Variants in RCN2 observed in about 807,000 individuals in gnomAD.
RCN2 encodes the protein reticulocalbin-2.
In RCN2, 23 loss-of-function variants were observed where a neutral mutation model predicts 37.5. The ratio of observed to expected loss-of-function variants is 0.61; its 90% CI spans 0.44 to 0.87. RCN2 has a LOEUF of 0.87. Ranked by LOEUF, RCN2 falls within the 40% of genes least tolerant of loss-of-function variation. The pLI is 0.00. For synonymous variants in RCN2, 140 were observed against 144.6 expected (o/e 0.97, Z 0.23); for missense variants, 381 against 390.4 (o/e 0.98, Z 0.20).
At position 76,949,906 on chromosome 15, in the gene RCN2, ATGTT is replaced by A. The variant is rs35334964; in HGVS notation, c.*691_*694del. On this transcript the variant is annotated 3_prime_UTR_variant, in exon 7 of 7. Coordinates refer to ENST00000394885, the MANE Select transcript of RCN2 (RefSeq NM_002902.3). The stretch of plus-strand genomic sequence containing the variant: ...ATTAAAAATGAAATGTCCTTTGTAT[ATGTT>A]TGTTTGCTTTTCTTTAACTTTCAGA... 0.096 allele frequency: 14,697 copies of A among 152,462 alleles called. 896 individuals are homozygous for A. The highest frequency in any genetic ancestry group is 0.17 in the African/African-American group (7,111 of 41,446). 9.4% of individuals were successfully genotyped at this position (152,462 alleles called of 1,614,324 possible).
At position 76,953,831 on chromosome 15, in the gene RCN2, T is replaced by A. The variant is rs911323873; in HGVS notation, c.*4609T>A. ...ACCGTGTTAGCCAGGATGGTCTTGATCTGCTGACCTCGTGATCCGCCCGCC... is the reference window on the plus strand; with the variant it reads ...ACCGTGTTAGCCAGGATGGTCTTGAACTGCTGACCTCGTGATCCGCCCGCC... On this transcript the variant is annotated 3_prime_UTR_variant, in exon 7 of 7. Coordinates refer to ENST00000394885, the MANE Select transcript of RCN2 (RefSeq NM_002902.3). The A allele has an allele frequency of 1.3e-5, 2 of 149,696 alleles. No homozygotes were observed. The highest frequency in any genetic ancestry group is 3.0e-5 in the Non-Finnish European group (2 of 67,378). The allele number at this position is 149,696 out of a possible 1,614,324, so 9.3% of individuals were successfully genotyped here. A position where few individuals can be genotyped will look rare whatever the true frequency, so the allele number is the denominator to read the frequency against.
At chr15:76,935,782 A>G in intron 3 of RCN2, 60 bp downstream of exon 3, 2 of 1,305,882 alleles carry the variant, frequency 1.5e-6, no homozygotes. Flanking sequence ...ACCTTCCTGC[A>G]TGAATGAGCA....
In RCN2 at chr15:76,953,616, T is replaced by G; in HGVS notation, c.*4394T>G. The G allele has an allele frequency of 1.1e-5, 1 of 93,382 alleles. No individual in the cohort carries two copies. 5.8% of individuals were successfully genotyped at this position (93,382 alleles called of 1,614,324 possible). ...ATATTTTTTTTTTTTTTTTTTTTTT[T>G]TTTTTTTTTGAGACGGAGTCTCGCT... On this transcript the variant is annotated 3_prime_UTR_variant, in exon 7 of 7. Transcript: ENST00000394885.
At chr15:76,933,638 A>G (rs551971826) in intron 2 of RCN2, among the ~76,000 whole-genome samples, 6 of 152,240 alleles carry the variant, frequency 3.9e-5, no homozygotes, top group African/African-American at 9.6e-5. Flanking sequence ...CATTATACAG[A>G]TGAGAAGAAA....
chr15:76,941,219 G>A (rs930898664), intron 3 of RCN2, among the ~76,000 whole-genome samples: 3 of 152,084 alleles, frequency 2.0e-5, no homozygotes, highest in South Asian at 4.2e-4. Flanking sequence ...TAGAGATGGG[G>A]TTTCACCATG....
At chr15:76,936,626 A>G (rs2075250428) in intron 3 of RCN2, among the ~76,000 whole-genome samples, 1 of 152,194 alleles carries the variant, frequency 6.6e-6, no homozygotes, top group African/African-American at 2.4e-5. Context: ...GCCATGAACC[A>G]ATACCCGTCC....
intron 6 of RCN2, 177 bp from the exon 7 acceptor site, chr15:76,948,893 G>A (rs1039364278): frequency 1.6e-6 from 1 of 634,784 alleles, no homozygotes; most frequent in Non-Finnish European, 2.7e-6. Flanking sequence ...ATGAAGAAAG[G>A]AGATAATGGG....
intron 3 of RCN2, among the ~76,000 whole-genome samples, chr15:76,936,155 A>T (rs943803248): frequency 2.0e-5 from 3 of 152,048 alleles, no homozygotes; most frequent in African/African-American, 7.3e-5. Flanking sequence ...TGAGAATCGT[A>T]AGTATCCAAA....
intron 6 of RCN2, 99 bp downstream of exon 6, chr15:76,948,651 GTAATGGAGTTAT>G (rs1458484242): frequency 9.7e-5 from 118 of 1,217,828 alleles, no homozygotes; most frequent in Admixed American, 1.6e-4. Context: ...AAAGAAAGAA[GTAATGGAGTTAT>G]TTGGGATTGA....
chr15:76,931,788 GCC>G lies in RCN2; in HGVS notation c.-50_-49del. ...CCGCGGAGCATCGCAGCCGGCCCGG[GCC>G]CCCGCCAGCCTCCCTCCTCGCGTCC... On this transcript the variant is annotated 5_prime_UTR_variant, in exon 1 of 7. Transcript: ENST00000394885. The G allele has an allele frequency of 8.4e-7, 1 of 1,186,956 alleles. No homozygotes were observed. The highest frequency in any genetic ancestry group is 1.0e-6 in the Non-Finnish European group (1 of 957,528). 73.5% of individuals were successfully genotyped at this position (1,186,956 alleles called of 1,614,324 possible). A position where few individuals can be genotyped will look rare whatever the true frequency, so the allele number is the denominator to read the frequency against.
At position 76,931,769 on chromosome 15, in the gene RCN2, A is replaced by G. The variant is rs529495010; in HGVS notation, c.-73A>G. On this transcript the variant is annotated 5_prime_UTR_variant, in exon 1 of 7. Transcript: ENST00000394885. ...ACCGCCTCTCTGTAGCCGCCCGCGG[A>G]GCATCGCAGCCGGCCCGGGCCCCCG... The G allele has an allele frequency of 1.7e-3, 1,937 of 1,118,102 alleles. 27 individuals carry two copies. The African/African-American group carries it at 0.029, about 17-fold the overall frequency. The allele number at this position is 1,118,102 out of a possible 1,614,324, so 69.3% of individuals were successfully genotyped here.
rs901613785 is a variant in RCN2 at position 76,951,604 on chromosome 15, C to T, written c.*2382C>T. 2.0e-5 allele frequency: 3 copies of T among 152,158 alleles called. No homozygotes were observed. The highest frequency in any genetic ancestry group is 4.4e-5 in the Non-Finnish European group (3 of 68,026). 9.4% of individuals were successfully genotyped at this position (152,158 alleles called of 1,614,324 possible). ...AGAGAAAAAGAATCATCTGCTTGAACAGAGATGCTATATCTACTGCTGAGT... is the reference window on the plus strand; with the variant it reads ...AGAGAAAAAGAATCATCTGCTTGAATAGAGATGCTATATCTACTGCTGAGT... On this transcript the variant is annotated 3_prime_UTR_variant, in exon 7 of 7. Transcript: ENST00000394885.
At chr15:76,943,036 A>G (rs1393120991) in intron 3 of RCN2, 6 of 152,254 alleles carry the variant, frequency 3.9e-5, no homozygotes, top group African/African-American at 1.4e-4. Flanking sequence ...TTCTGAAACA[A>G]TAATGTATTT....
At position 76,944,511 on chromosome 15, in the gene RCN2, C is replaced by T. The variant is rs368307583; in HGVS notation, c.561+640C>T. On this transcript the variant is annotated intron_variant, in intron 4 of 6. Transcript: ENST00000394885. ...TTTTGTACTCATTAACTGTTCTCAG[C>T]GCCCCCTCCCCCAACACTTCCCAGT... Among the ~76,000 whole-genome samples, 3 of 152,160 alleles carry T rather than the reference C, an allele frequency of 2.0e-5. No homozygotes were observed. In the East Asian group the frequency reaches 5.8e-4, roughly 29 times the overall value.
chr15:76,948,570 A>G lies in RCN2; in HGVS notation c.801+18A>G. 6.6e-7 allele frequency: 1 copy of G among 1,520,868 alleles called. No individual in the cohort carries two copies. The highest frequency in any genetic ancestry group is 1.3e-5 in the South Asian group (1 of 76,732). The allele number at this position is 1,520,868 out of a possible 1,614,324, so 94.2% of individuals were successfully genotyped here. A position where few individuals can be genotyped will look rare whatever the true frequency, so the allele number is the denominator to read the frequency against. ...AAGAGGAGGTAAGTGTTACAGAACA[A>G]CTGTTTCTCTCCACCCCCTCCCCCC... On this transcript the variant is annotated intron_variant, in intron 6 of 6. Transcript: ENST00000394885.
At chr15:76,946,434 A>G (rs1489969427) in intron 4 of RCN2, among the ~76,000 whole-genome samples, 1 of 150,876 alleles carries the variant, frequency 6.6e-6, no homozygotes, top group Non-Finnish European at 1.5e-5. Flanking sequence ...GGGTGACAGA[A>G]TGAGATCCTA....
At chr15:76,947,636 C>A (rs111654637) in intron 5 of RCN2, 119 bp downstream of exon 5, 116 of 676,064 alleles carry the variant, frequency 1.7e-4, no homozygotes, top group Non-Finnish European at 2.5e-4. Context: ...GTGTCTGATC[C>A]TACTTGTTTC....
At chr15:76,932,303 C>T in intron 1 of RCN2, 58 bp from the exon 2 acceptor site, 1 of 1,360,388 alleles carries the variant, frequency 7.4e-7, no homozygotes, top group Non-Finnish European at 1.0e-6. Flanking sequence ...TTTTTCTCCA[C>T]CATTTTGCCC....
intron 3 of RCN2, chr15:76,941,343 TTATGTAAGA>T: frequency 1.4e-5 from 3 of 214,528 alleles, no homozygotes; most frequent in Non-Finnish European, 2.7e-5. Context: ...CAGTATTTAT[TTATGTAAGA>T]TATAACCTTG....
Sources: allele counts gnomAD v4.1 joint callset (sites outside exome capture counted in the v4.1 genomes callset), GRCh38; gene constraint gnomAD v4.1.1; transcripts MANE v1.5; gene names NCBI Gene and HGNC (gene_info 2026-07-23, HGNC 2026-07-21).